Variants in DNAI3 observed in about 807,000 individuals in gnomAD.
DNAI3 encodes the protein dynein axonemal intermediate chain 3.
A neutral mutation model predicts 115.5 loss-of-function variants in DNAI3; 83 were observed. The ratio of observed to expected loss-of-function variants is 0.72; its 90% CI spans 0.60 to 0.86. The LOEUF (loss-of-function observed/expected upper bound fraction) is 0.86. Ranked by LOEUF, DNAI3 falls within the 40% of genes least tolerant of loss-of-function variation. The pLI is 0.00. For missense variants in DNAI3, 1,004 were observed against 1,075.8 expected (o/e 0.93, Z 0.93); for synonymous variants, 320 against 347.0 (o/e 0.92, Z 0.86).
chr1:85,118,155 A>G (rs1043747422), intron 17 of DNAI3, among the ~76,000 whole-genome samples: 13 of 152,246 alleles, frequency 8.5e-5, no homozygotes, highest in African/African-American at 3.1e-4. Context: ...AAACCATACT[A>G]AGTGTTAGAG....
chr1:85,128,599 C>T, intron 20 of DNAI3, 109 bp from the exon 21 acceptor site: 6 of 804,202 alleles, frequency 7.5e-6, no homozygotes, highest in East Asian at 5.3e-5. Flanking sequence ...ACTGGAACCA[C>T]AGCAGGTCCT....
In DNAI3 at chr1:85,130,646, A is replaced by G. The variant is rs147644617; in HGVS notation, c.2532+534A>G. Among the ~76,000 whole-genome samples, 30 of 151,748 alleles carry G rather than the reference A, an allele frequency of 2.0e-4. No homozygotes were observed. The East Asian group carries it at 5.8e-3, about 29-fold the overall frequency. On this transcript the variant is annotated intron_variant, in intron 22 of 22. Transcript: ENST00000294664. ...AAATAGTGCTATTATAATTATAATGATAGATGATAGATTAGATAGATGATA... is the reference window on the plus strand; with the variant it reads ...AAATAGTGCTATTATAATTATAATGGTAGATGATAGATTAGATAGATGATA...
rs771229637 is a variant in DNAI3, at chr1:85,130,678, TAG to T, written c.2532+568_2532+569del. 8.8e-4 allele frequency among the ~76,000 whole-genome samples: 71 copies of T among 81,078 alleles called. 1 individual carries two copies. The highest frequency in any genetic ancestry group is 4.1e-3 in the African/African-American group (71 of 17,418). The allele number at this position is 81,078 out of a possible 152,430, so 53.2% of individuals were successfully genotyped here. ...ATAGATTAGATAGATGATAGATAGA[TAG>T]ATAGATAGATAGATAGATAGATAGA... On this transcript the variant is annotated intron_variant, in intron 22 of 22. Transcript: ENST00000294664.
intron 2 of DNAI3, among the ~76,000 whole-genome samples, chr1:85,072,471 G>A (rs1184410541): frequency 2.0e-5 from 3 of 151,558 alleles, no homozygotes; most frequent in African/African-American, 4.8e-5. Context: ...GTGAAACCCC[G>A]TCTCTACTAA....
At chr1:85,080,714 G>T (rs773188640) in intron 3 of DNAI3, among the ~76,000 whole-genome samples, 1 of 152,108 alleles carries the variant, frequency 6.6e-6, no homozygotes, top group Non-Finnish European at 1.5e-5. Context: ...TCTATCCCAA[G>T]AAAATAATTT....
intron 13 of DNAI3, among the ~76,000 whole-genome samples, chr1:85,100,477 A>C (rs1442210244): frequency 3.9e-5 from 6 of 152,060 alleles, no homozygotes; most frequent in East Asian, 1.9e-4. Context: ...GAAACAACAG[A>C]TGCTGGAGAG....
chr1:85,071,506 T>C (rs1654272065), intron 1 of DNAI3, among the ~76,000 whole-genome samples: 1 of 152,236 alleles, frequency 6.6e-6, no homozygotes, highest in African/African-American at 2.4e-5. Context: ...ATGCACACTG[T>C]GGGCCTGTCA....
At chr1:85,109,915 G>A in intron 15 of DNAI3, 133 bp from the exon 16 acceptor site, 2 of 752,712 alleles carry the variant, frequency 2.7e-6, no homozygotes, top group Non-Finnish European at 4.3e-6. Flanking sequence ...ATTTGAGGGA[G>A]GAAAGGGAAG....
chr1:85,100,449 C>A (rs61769382), intron 13 of DNAI3, among the ~76,000 whole-genome samples: 1 of 151,784 alleles, frequency 6.6e-6, no homozygotes, highest in Admixed American at 6.6e-5. Flanking sequence ...GTTAGAATGG[C>A]GATCATTAAA....
intron 17 of DNAI3, among the ~76,000 whole-genome samples, chr1:85,119,120 T>A (rs1248629400): frequency 2.0e-5 from 3 of 152,216 alleles, no homozygotes; most frequent in Non-Finnish European, 4.4e-5. Context: ...TTTAAAAAAT[T>A]TTTTTAATTG....
Position 85,076,913 on chromosome 1 carries a change from A to G in DNAI3, c.103+3821A>G, listed in dbSNP as rs936958941. Among the ~76,000 whole-genome samples, 7 of 152,310 alleles carry G rather than the reference A, an allele frequency of 4.6e-5. No individual in the cohort carries two copies. The East Asian group carries it at 1.3e-3, about 29-fold the overall frequency. ...AGTCATAAACTTATGACTTAAAGTCATTTAGTGACTGTGTGGCCACAGATG... is the reference window on the plus strand; with the variant it reads ...AGTCATAAACTTATGACTTAAAGTCGTTTAGTGACTGTGTGGCCACAGATG... On this transcript the variant is annotated intron_variant, in intron 3 of 22. Coordinates refer to ENST00000294664, the MANE Select transcript of DNAI3 (RefSeq NM_145172.5).
chr1:85,082,210 TG>T (rs1654652709), intron 4 of DNAI3, 89 bp from the exon 5 acceptor site: 1 of 1,006,086 alleles, frequency 9.9e-7, no homozygotes, highest in Non-Finnish European at 1.5e-6. Context: ...TATAATTGGT[TG>T]ATTAGCGAAA....
chr1:85,092,077 T>A (rs1161792728), intron 8 of DNAI3, among the ~76,000 whole-genome samples: 1 of 152,202 alleles, frequency 6.6e-6, no homozygotes, highest in East Asian at 1.9e-4. Context: ...CAATGTTCAG[T>A]GTGCTTATGA....
intron 1 of DNAI3, among the ~76,000 whole-genome samples, chr1:85,066,715 G>T (rs932107761): frequency 6.6e-6 from 1 of 152,074 alleles, no homozygotes; most frequent in Non-Finnish European, 1.5e-5. Context: ...TTAGACTAAA[G>T]TAGGATTGGA....
At chr1:85,121,672 T>A in intron 17 of DNAI3, 79 bp from the exon 18 acceptor site, 1 of 1,318,946 alleles carries the variant, frequency 7.6e-7, no homozygotes, top group Non-Finnish European at 1.1e-6. Flanking sequence ...TGCTTAACAG[T>A]CAATCTTAGC....
At position 85,114,566 on chromosome 1, in the gene DNAI3, A is replaced by G. The variant is rs528793384; in HGVS notation, c.1787-3163A>G. 5.9e-5 allele frequency among the ~76,000 whole-genome samples: 9 copies of G among 152,272 alleles called. No individual in the cohort carries two copies. The East Asian group carries it at 1.7e-3, about 29-fold the overall frequency. On this transcript the variant is annotated intron_variant, in intron 16 of 22. Transcript: ENST00000294664. The stretch of plus-strand genomic sequence containing the variant: ...CTGTTTTGTTCCTGATCTTTGGAGG[A>G]AGGTCACTCTATGGCCATGATCTGC...
chr1:85,120,959 A>G (rs1655977795), intron 17 of DNAI3, among the ~76,000 whole-genome samples: 1 of 152,120 alleles, frequency 6.6e-6, no homozygotes, highest in Admixed American at 6.5e-5. Flanking sequence ...ACAGATCCCA[A>G]TCCATCCCCA....
rs571318800 is a variant in DNAI3, at chr1:85,113,377, T to G, written c.1786+3242T>G. ...TTACATTTAGGGCTATGATTTCTTT[T>G]GAGTTAATTTTTGTAATTGGTATAT... On this transcript the variant is annotated intron_variant, in intron 16 of 22. Coordinates refer to ENST00000294664, the MANE Select transcript of DNAI3 (RefSeq NM_145172.5). 6.6e-5 allele frequency among the ~76,000 whole-genome samples: 10 copies of G among 152,346 alleles called. No homozygotes were observed. The East Asian group carries it at 1.7e-3, about 26-fold the overall frequency.
intron 3 of DNAI3, 39 bp downstream of exon 3, chr1:85,073,131 T>G (rs186925984): frequency 7.0e-7 from 1 of 1,424,446 alleles, no homozygotes; most frequent in Non-Finnish European, 9.5e-7. Flanking sequence ...ATCCTCAGTT[T>G]TATAATATTT....
Sources: allele counts gnomAD v4.1 joint callset (sites outside exome capture counted in the v4.1 genomes callset), GRCh38; gene constraint gnomAD v4.1.1; transcripts MANE v1.5; gene names NCBI Gene and HGNC (gene_info 2026-07-23, HGNC 2026-07-21).